Variants in NKAIN2 observed in about 807,000 individuals in gnomAD.
NKAIN2 encodes the protein sodium/potassium transporting ATPase interacting 2.
NKAIN2 carries 14 observed loss-of-function variants against 32.6 expected under a neutral mutation model. The ratio of observed to expected loss-of-function variants is 0.43; its 90% confidence interval spans 0.28 to 0.67. NKAIN2 has a LOEUF of 0.67. NKAIN2 is among the 30% of genes least tolerant of loss of function. The probability of loss-of-function intolerance (pLI) is 0.17; values close to 1 mark genes in which losing one functional copy is unlikely to be tolerated. For synonymous variants in NKAIN2, 80 were observed against 87.2 expected (o/e 0.92, Z 0.46); for missense variants, 198 against 258.3 (o/e 0.77, Z 1.60).
chr6:123,976,063 T>C (rs959919107), intron 1 of NKAIN2, among the ~76,000 whole-genome samples: 1 of 151,558 alleles, frequency 6.6e-6, no homozygotes, highest in Non-Finnish European at 1.5e-5. Flanking sequence ...CATGCTTTCT[T>C]GTCTGCCACC....
intron 2 of NKAIN2, among the ~76,000 whole-genome samples, chr6:124,332,792 AT>A (rs1797716627): frequency 6.6e-6 from 1 of 152,214 alleles, no homozygotes. Flanking sequence ...GGACTTGCCC[AT>A]GGGCACTGCA....
chr6:123,849,148 T>C (rs1156521028), intron 1 of NKAIN2, among the ~76,000 whole-genome samples: 1 of 152,224 alleles, frequency 6.6e-6, no homozygotes, highest in Non-Finnish European at 1.5e-5. Context: ...TTAGTTTCTC[T>C]TTTGAACTCT....
At chr6:123,900,535 T>G (rs1458501616) in intron 1 of NKAIN2, among the ~76,000 whole-genome samples, 1 of 80,756 alleles carries the variant, frequency 1.2e-5, no homozygotes, top group African/African-American at 1.2e-4. Flanking sequence ...CAGATTAGTT[T>G]TTTTTTTTTT....
chr6:124,349,964 A>G lies in NKAIN2; in HGVS notation c.193-5303A>G, dbSNP rs1405353301. 2.0e-5 allele frequency among the ~76,000 whole-genome samples: 3 copies of G among 152,356 alleles called. No individual in the cohort carries two copies. The East Asian group carries it at 5.8e-4, about 29-fold the overall frequency. ...AAATCAATTCTTAAAAGTGAATTTT[A>G]TCATACAATAGAATTTTTCTCTCAT... is the stretch of plus-strand genomic sequence containing the variant. On this transcript the variant is annotated intron_variant, in intron 2 of 6. Coordinates refer to ENST00000368417, the MANE Select transcript of NKAIN2 (RefSeq NM_001040214.3).
intron 3 of NKAIN2, among the ~76,000 whole-genome samples, chr6:124,525,734 T>C (rs1779287249): frequency 6.6e-6 from 1 of 152,170 alleles, no homozygotes; most frequent in South Asian, 2.1e-4. Flanking sequence ...AAATTACATA[T>C]GTAGAAAAGA....
intron 3 of NKAIN2, among the ~76,000 whole-genome samples, chr6:124,491,736 G>A (rs886570005): frequency 2.6e-5 from 4 of 151,850 alleles, no homozygotes; most frequent in Admixed American, 6.6e-5. Flanking sequence ...AAGTTGATAC[G>A]ATGTGGCGGA....
intron 1 of NKAIN2, among the ~76,000 whole-genome samples, chr6:124,248,023 C>T (rs976342078): frequency 6.6e-6 from 1 of 152,016 alleles, no homozygotes; most frequent in Non-Finnish European, 1.5e-5. Flanking sequence ...TCTTTAAAAT[C>T]GTAGCCTTTT....
intron 1 of NKAIN2, among the ~76,000 whole-genome samples, chr6:124,143,313 G>A (rs1787231757): frequency 6.6e-6 from 1 of 152,062 alleles, no homozygotes; most frequent in Admixed American, 6.5e-5. Context: ...TTTAACAAGT[G>A]GCAAGGCATA....
At chr6:124,093,434 GT>G (rs1350875702) in intron 1 of NKAIN2, among the ~76,000 whole-genome samples, 6 of 152,060 alleles carry the variant, frequency 3.9e-5, no homozygotes, top group African/African-American at 1.4e-4. Context: ...CCATAGGATT[GT>G]TACATGCATT....
At chr6:124,522,301 T>C (rs569586779) in intron 3 of NKAIN2, among the ~76,000 whole-genome samples, 16 of 152,352 alleles carry the variant, frequency 1.1e-4, no homozygotes, top group African/African-American at 3.1e-4. Flanking sequence ...ATGTATTTCA[T>C]ATAATATAGA....
chr6:124,630,475 C>G (rs1397083735), intron 3 of NKAIN2, among the ~76,000 whole-genome samples: 5 of 152,068 alleles, frequency 3.3e-5, no homozygotes, highest in Admixed American at 3.3e-4. Flanking sequence ...AATGAAAAAG[C>G]AATATAGAGA....
intron 3 of NKAIN2, among the ~76,000 whole-genome samples, chr6:124,485,630 G>A (rs1295807914): frequency 6.6e-6 from 1 of 152,058 alleles, no homozygotes; most frequent in African/African-American, 2.4e-5. Context: ...CATTAGAATA[G>A]TGATAGCTGA....
chr6:124,521,180 T>G (rs552624472), intron 3 of NKAIN2, among the ~76,000 whole-genome samples: 2 of 152,124 alleles, frequency 1.3e-5, no homozygotes, highest in African/African-American at 4.8e-5. Flanking sequence ...GCAGGAGTAG[T>G]GAGAGAAGAC....
chr6:123,812,295 G>T (rs1192589206), intron 1 of NKAIN2, among the ~76,000 whole-genome samples: 1 of 152,146 alleles, frequency 6.6e-6, no homozygotes. Context: ...TTCAGTGATT[G>T]CCTACACAAT....
intron 1 of NKAIN2, among the ~76,000 whole-genome samples, chr6:124,099,653 G>C (rs1050243175): frequency 6.6e-6 from 1 of 152,200 alleles, no homozygotes; most frequent in Admixed American, 6.5e-5. Context: ...AGGAGGAGGT[G>C]GGGGAATGTT....
chr6:124,369,522 A>G (rs1273330173), intron 3 of NKAIN2, among the ~76,000 whole-genome samples: 1 of 152,098 alleles, frequency 6.6e-6, no homozygotes, highest in Non-Finnish European at 1.5e-5. Context: ...TGTCTTAAAC[A>G]TTGTGAGTTT....
intron 5 of NKAIN2, among the ~76,000 whole-genome samples, chr6:124,811,007 C>T (rs940834092): frequency 6.6e-6 from 1 of 151,672 alleles, no homozygotes; most frequent in East Asian, 1.9e-4. Context: ...GAATTCCTGC[C>T]ACCAACTAGA....
intron 3 of NKAIN2, among the ~76,000 whole-genome samples, chr6:124,647,137 G>A (rs138043699): frequency 2.9e-4 from 44 of 151,840 alleles, no homozygotes; most frequent in African/African-American, 1.0e-3. Flanking sequence ...AAAAAGTCAC[G>A]TGAACACTAA....
intron 1 of NKAIN2, among the ~76,000 whole-genome samples, chr6:123,873,927 GT>G (rs1773036735): frequency 6.7e-6 from 1 of 150,282 alleles, no homozygotes. Context: ...CCCTTTTCCT[GT>G]TTGTTTATTT....
Sources: gnomAD v4.1 joint callset for allele counts (sites outside exome capture counted in the v4.1 genomes callset) on GRCh38, gnomAD v4.1.1 for gene constraint, MANE v1.5 for transcripts, NCBI Gene and HGNC (gene_info 2026-07-23, HGNC 2026-07-21) for gene names.